Variants in PBX1 observed in about 807,000 individuals in gnomAD.
PBX1 encodes pre-B-cell leukemia transcription factor 1.
In PBX1, 6 loss-of-function variants were observed where a neutral mutation model predicts 53.4. The ratio of observed to expected loss-of-function variants is 0.11; its 90% CI spans 0.06 to 0.22. The LOEUF (loss-of-function observed/expected upper bound fraction) is 0.22. PBX1 is among the 10% of genes least tolerant of loss of function. PBX1 has a pLI of 1.00. For synonymous variants in PBX1, 204 were observed against 212.3 expected (o/e 0.96, Z 0.34); for missense variants, 251 against 551.4 (o/e 0.46, Z 5.46).
At chr1:164,602,709 GA>G (rs113484614) in intron 2 of PBX1, among the ~76,000 whole-genome samples, 3,081 of 118,140 alleles carry the variant, frequency 0.026, 60 homozygotes, top group African/African-American at 0.069. Context: ...CAAACAGATT[GA>G]AAAAAAAAAA....
At chr1:164,883,778 C>T (rs779150053) in intron 2 of PBX1, among the ~76,000 whole-genome samples, 1 of 152,140 alleles carries the variant, frequency 6.6e-6, no homozygotes, top group Non-Finnish European at 1.5e-5. Context: ...TTCTCAGCTA[C>T]TCAGAAACAA....
In PBX1 at chr1:164,721,840, C is replaced by T. The variant is rs189472105; in HGVS notation, c.266-70654C>T. Among the ~76,000 whole-genome samples, 4 of 152,244 alleles carry T rather than the reference C, an allele frequency of 2.6e-5. No individual in the cohort carries two copies. In the East Asian group the frequency reaches 5.8e-4, roughly 22 times the overall value. Reference sequence around the variant, plus strand: ...CATTCCTGTGTTCATGTTACCTATTCCCTTTACAAAATATGAATGAGTATC... The same window carrying T: ...CATTCCTGTGTTCATGTTACCTATTTCCTTTACAAAATATGAATGAGTATC... On this transcript the variant is annotated intron_variant, in intron 2 of 8. Coordinates refer to ENST00000420696, the MANE Select transcript of PBX1 (RefSeq NM_002585.4).
chr1:164,707,089 C>G (rs1663463045), intron 2 of PBX1, among the ~76,000 whole-genome samples: 1 of 152,056 alleles, frequency 6.6e-6, no homozygotes, highest in Admixed American at 6.6e-5. Flanking sequence ...CAACATGAAA[C>G]AGCAAATGTC....
At chr1:164,784,801 CTTTG>C (rs1668098976) in intron 2 of PBX1, among the ~76,000 whole-genome samples, 1 of 152,160 alleles carries the variant, frequency 6.6e-6, no homozygotes, top group Non-Finnish European at 1.5e-5. Flanking sequence ...AAATTCTTGC[CTTTG>C]TTTGACTAAA....
chr1:164,577,709 T>C (rs1274812899), intron 2 of PBX1, among the ~76,000 whole-genome samples: 1 of 152,180 alleles, frequency 6.6e-6, no homozygotes, highest in African/African-American at 2.4e-5. Context: ...TGAATGAATG[T>C]GGGAGAGCTA....
intron 2 of PBX1, among the ~76,000 whole-genome samples, chr1:164,663,248 TCCTGCCTG>T (rs58476519): frequency 0.029 from 4,175 of 144,248 alleles, 91 homozygotes; most frequent in Non-Finnish European, 0.041. Flanking sequence ...CTTCCTGCCT[TCCTGCCTG>T]CCTGCCTGCC....
intron 8 of PBX1, among the ~76,000 whole-genome samples, chr1:164,834,651 A>G (rs190464627): frequency 6.6e-6 from 1 of 152,090 alleles, no homozygotes; most frequent in East Asian, 1.9e-4. Context: ...GGCCAGCCCT[A>G]TTTTTCATGG....
At chr1:164,784,611 C>T (rs1239859999) in intron 2 of PBX1, among the ~76,000 whole-genome samples, 1 of 152,230 alleles carries the variant, frequency 6.6e-6, no homozygotes, top group Non-Finnish European at 1.5e-5. Flanking sequence ...ATTTTGTTTT[C>T]ATCTCTTGCC....
At chr1:164,841,103 C>A (rs144341691) in intron 8 of PBX1, among the ~76,000 whole-genome samples, 60 of 152,264 alleles carry the variant, frequency 3.9e-4, no homozygotes, top group African/African-American at 1.3e-3. Flanking sequence ...AAGGAACACA[C>A]GCAATACAGC....
chr1:164,696,154 G>A (rs549826944), intron 2 of PBX1, among the ~76,000 whole-genome samples: 2 of 152,222 alleles, frequency 1.3e-5, no homozygotes, highest in East Asian at 1.9e-4. Context: ...AAAATGTGCC[G>A]GATGTACTAG....
intron 2 of PBX1, among the ~76,000 whole-genome samples, chr1:164,608,392 C>T (rs1037270987): frequency 6.6e-6 from 1 of 152,178 alleles, no homozygotes; most frequent in African/African-American, 2.4e-5. Context: ...TCAGGTCATC[C>T]TGCCTTCCAC....
chr1:164,861,636 C>G (rs1157104635), intron 2 of PBX1, among the ~76,000 whole-genome samples: 1 of 152,004 alleles, frequency 6.6e-6, no homozygotes, highest in African/African-American at 2.4e-5. Context: ...ATAAGTGTAC[C>G]AAATGGTGTG....
intron 2 of PBX1, among the ~76,000 whole-genome samples, chr1:164,883,182 A>T (rs1672702045): frequency 6.6e-6 from 1 of 152,204 alleles, no homozygotes; most frequent in South Asian, 2.1e-4. Context: ...GGACTAGAGA[A>T]AGTTGAGGCC....
At chr1:164,725,110 C>G (rs78063288) in intron 2 of PBX1, among the ~76,000 whole-genome samples, 5 of 151,980 alleles carry the variant, frequency 3.3e-5, no homozygotes, top group South Asian at 2.1e-4. Flanking sequence ...CCCCCCACCC[C>G]CTTCCTGCAT....
rs530415515 is a variant in PBX1, at chr1:164,560,842, C to T, written c.191+829C>T. The stretch of plus-strand genomic sequence containing the variant: ...ACAAAAATCAAGCATGCTCTTTTCC[C>T]CCATGCTTCTTTCAGGACCACTTAG... On this transcript the variant is annotated intron_variant, in intron 1 of 8. Transcript: ENST00000420696. Among the ~76,000 whole-genome samples the T allele has an allele frequency of 3.9e-5, 6 of 152,218 alleles. No individual in the cohort carries two copies. The East Asian group carries it at 9.7e-4, about 24-fold the overall frequency.
chr1:164,884,579 G>A (rs750609047), intron 2 of PBX1: 6 of 515,960 alleles, frequency 1.2e-5, no homozygotes, highest in Non-Finnish European at 1.9e-5. Context: ...GGATGCTCTG[G>A]TGGTGACAGC....
rs551444242 is a variant in PBX1, at chr1:164,870,455, T to A, written n.258-28733T>A. 1.4e-4 allele frequency among the ~76,000 whole-genome samples: 21 copies of A among 151,834 alleles called. 1 individual carries two copies. In the East Asian group the frequency reaches 4.1e-3, roughly 30 times the overall value. On this transcript the variant is annotated intron_variant and non_coding_transcript_variant, in intron 2 of 2. Transcript: ENST00000558796. ...TGCCTCCTGGGTTCAAGCAATTCTCTTGTCTCAGTCTCCCAAGTAATGGGA... is the reference window on the plus strand; with the variant it reads ...TGCCTCCTGGGTTCAAGCAATTCTCATGTCTCAGTCTCCCAAGTAATGGGA...
Position 164,757,150 on chromosome 1 carries a change from C to CA in PBX1, c.266-35343dup, listed in dbSNP as rs1666571696. 2.0e-5 allele frequency among the ~76,000 whole-genome samples: 3 copies of CA among 152,166 alleles called. No individual in the cohort carries two copies. In the South Asian group the frequency reaches 6.2e-4, roughly 32 times the overall value. ...TAGCAATGAACAAGAGAGAAGGTAT[C>CA]ATTGCCCCCCATGGAAACTGGGTTT... On this transcript the variant is annotated intron_variant, in intron 2 of 8. Transcript: ENST00000420696.
rs138389197 is a variant in PBX1, at chr1:164,687,810, C to T, written c.266-104684C>T. On this transcript the variant is annotated intron_variant, in intron 2 of 8. Coordinates refer to ENST00000420696, the MANE Select transcript of PBX1 (RefSeq NM_002585.4). The stretch of plus-strand genomic sequence containing the variant: ...CTGGCACTTAGTTCTGAGTTCTTTC[C>T]GAAGAACTTATATATGCAGAAACTG... Among the ~76,000 whole-genome samples, 451 of 152,206 alleles carry T rather than the reference C, an allele frequency of 3.0e-3. 7 individuals carry two copies. Among genetic ancestry groups the T allele is most frequent in the African/African-American group, 0.01 (422 of 41,522 alleles).
Sources: allele counts gnomAD v4.1 joint callset (sites outside exome capture counted in the v4.1 genomes callset), GRCh38; gene constraint gnomAD v4.1.1; transcripts MANE v1.5; gene names NCBI Gene and HGNC (gene_info 2026-07-23, HGNC 2026-07-21).